The following CYREN variants were observed in gnomAD, a reference collection of about 807,000 sequenced individuals.
CYREN encodes the protein cell cycle regulator of non-homologous end joining.
A neutral mutation model predicts 9.7 loss-of-function variants in CYREN; 7 were observed. That is an observed-to-expected ratio of 0.72 (90% confidence interval 0.41 to 1.36). The LOEUF (loss-of-function observed/expected upper bound fraction) is 1.36. Ranked by LOEUF, CYREN falls within the 40% of genes most tolerant of loss-of-function variation. The pLI is 0.01. For synonymous variants in CYREN, 76 were observed against 77.9 expected (o/e 0.98, Z 0.13); for missense variants, 215 against 198.1 (o/e 1.09, Z -0.51).
At chr7:135,171,885 A>G (rs1047320576), upstream of CYREN, among the ~76,000 whole-genome samples, 1 of 152,252 alleles carries the variant, frequency 6.6e-6, no homozygotes, top group Non-Finnish European at 1.5e-5. Flanking sequence ...TTGCCAGAGC[A>G]GCGCATAGCA....
At chr7:135,102,415 GATA>G (rs1027978139) in intron 2 of CYREN, among the ~76,000 whole-genome samples, 1 of 152,054 alleles carries the variant, frequency 6.6e-6, no homozygotes, top group Non-Finnish European at 1.5e-5. Context: ...TAATATCAAA[GATA>G]ATAATATGGA....
chr7:135,122,556 C>G (rs928528962), intron 2 of CYREN, among the ~76,000 whole-genome samples: 2 of 152,304 alleles, frequency 1.3e-5, no homozygotes, highest in Middle Eastern at 3.4e-3. Flanking sequence ...TTAAATGGGT[C>G]CTGTTCCCCC....
intron 2 of CYREN, among the ~76,000 whole-genome samples, chr7:135,103,902 T>C (rs1270401024): frequency 6.6e-6 from 1 of 152,170 alleles, no homozygotes; most frequent in Non-Finnish European, 1.5e-5. Flanking sequence ...TGTAAGGATG[T>C]TCATCATGGT....
chr7:135,164,683 G>A, downstream of CYREN: 4 of 1,614,072 alleles, frequency 2.5e-6, no homozygotes, highest in Non-Finnish European at 3.4e-6. Context: ...GTTGGCCTGG[G>A]CCTGGCCAGG....
At chr7:135,146,850 CG>C (rs1374935893) in intron 2 of CYREN, among the ~76,000 whole-genome samples, 1 of 152,108 alleles carries the variant, frequency 6.6e-6, no homozygotes, top group Non-Finnish European at 1.5e-5. Context: ...TGCCGATTTT[CG>C]TAAGTTTTGA....
At chr7:135,131,734 A>G (rs1381235760) in intron 2 of CYREN, among the ~76,000 whole-genome samples, 1 of 152,082 alleles carries the variant, frequency 6.6e-6, no homozygotes, top group Non-Finnish European at 1.5e-5. Flanking sequence ...AAACAGAAAA[A>G]TGACACAGAA....
downstream of CYREN, chr7:135,165,096 C>T: frequency 7.1e-7 from 1 of 1,415,180 alleles, no homozygotes; most frequent in African/African-American, 1.4e-5. Context: ...ATCTCCAGCT[C>T]CAGCGATGGA....
At chr7:135,098,423 T>C (rs965712713) in intron 2 of CYREN, among the ~76,000 whole-genome samples, 1 of 152,210 alleles carries the variant, frequency 6.6e-6, no homozygotes, top group African/African-American at 2.4e-5. Flanking sequence ...GTTTAGGGAA[T>C]GATGACAAGG....
At chr7:135,118,945 A>G (rs1372276834) in intron 2 of CYREN, among the ~76,000 whole-genome samples, 2 of 152,188 alleles carry the variant, frequency 1.3e-5, no homozygotes, top group Non-Finnish European at 1.5e-5. Flanking sequence ...TGAGAGAGAT[A>G]GAAAAATAGA....
At chr7:135,154,748 A>G (rs1407773949) in intron 2 of CYREN, among the ~76,000 whole-genome samples, 1 of 152,210 alleles carries the variant, frequency 6.6e-6, no homozygotes, top group Non-Finnish European at 1.5e-5. Flanking sequence ...AAGTTTGTTA[A>G]AACTTCTTTT....
At chr7:135,138,320 T>A (rs979027992) in intron 2 of CYREN, among the ~76,000 whole-genome samples, 4 of 152,008 alleles carry the variant, frequency 2.6e-5, no homozygotes, top group African/African-American at 9.7e-5. Flanking sequence ...CAGATAATAG[T>A]TTGTTCAAAA....
intron 2 of CYREN, among the ~76,000 whole-genome samples, chr7:135,155,904 C>T (rs971242469): frequency 2.0e-5 from 3 of 152,214 alleles, no homozygotes; most frequent in African/African-American, 7.2e-5. Flanking sequence ...TCCTTTTGAG[C>T]ATTTCCTGTA....
At chr7:135,106,563 C>T (rs1210791038) in intron 2 of CYREN, among the ~76,000 whole-genome samples, 3 of 152,166 alleles carry the variant, frequency 2.0e-5, no homozygotes, top group Non-Finnish European at 4.4e-5. Flanking sequence ...GGAATAAAGC[C>T]TACTTGATCA....
intron 2 of CYREN, among the ~76,000 whole-genome samples, chr7:135,142,160 A>G (rs978993304): frequency 5.9e-5 from 9 of 152,082 alleles, no homozygotes; most frequent in Non-Finnish European, 1.2e-4. Flanking sequence ...AGTAAAAGAA[A>G]AAGTTGAATT....
intron 2 of CYREN, chr7:135,135,230 C>G: frequency 6.5e-7 from 1 of 1,532,446 alleles, no homozygotes; most frequent in African/African-American, 1.4e-5. Flanking sequence ...GGACAACCCA[C>G]CTTATATCTG....
At chr7:135,117,377 C>T (rs1279652327) in intron 2 of CYREN, among the ~76,000 whole-genome samples, 3 of 152,128 alleles carry the variant, frequency 2.0e-5, no homozygotes, top group African/African-American at 7.2e-5. Flanking sequence ...GGTTTCAGCC[C>T]TATGATTACA....
At chr7:135,129,307 T>C (rs1224450972) in intron 2 of CYREN, 9 of 1,432,360 alleles carry the variant, frequency 6.3e-6, no homozygotes, top group Non-Finnish European at 8.9e-6. Flanking sequence ...TACCATGGGG[T>C]CTCTCCATGT....
At chr7:135,171,503 C>G (rs1830654581), upstream of CYREN, among the ~76,000 whole-genome samples, 1 of 146,612 alleles carries the variant, frequency 6.8e-6, no homozygotes, top group African/African-American at 2.5e-5. Context: ...CTGCCCTGTT[C>G]TGTTTCTCCC....
At chr7:135,147,433 C>A (rs1319342008) in intron 2 of CYREN, among the ~76,000 whole-genome samples, 1 of 152,188 alleles carries the variant, frequency 6.6e-6, no homozygotes, top group Non-Finnish European at 1.5e-5. Flanking sequence ...CCAAGTTTAA[C>A]CCACAGTTGA....
Sources: allele counts gnomAD v4.1 joint callset (sites outside exome capture counted in the v4.1 genomes callset), GRCh38; gene constraint gnomAD v4.1.1; transcripts MANE v1.5; gene names NCBI Gene and HGNC (gene_info 2026-07-23, HGNC 2026-07-21).